The following RPP40 variants were observed in gnomAD, a reference collection of about 807,000 sequenced individuals.
RPP40 encodes ribonuclease P protein subunit p40.
A neutral mutation model predicts 42.5 loss-of-function variants in RPP40; 30 were observed. That is an observed-to-expected ratio of 0.71 (90% CI 0.53 to 0.96). RPP40 has a LOEUF of 0.96. Among genes scored for constraint, RPP40 ranks in the 40% least tolerant of loss-of-function variants. RPP40 has a pLI of 0.00. For synonymous variants in RPP40, 173 were observed against 164.0 expected, an observed-to-expected ratio of 1.05 and a Z score of -0.42; for missense variants, 426 against 433.5, an observed-to-expected ratio of 0.98 and a Z score of 0.15.
At position 5,003,361 on chromosome 6, in the gene RPP40, A is replaced by AG. The variant is rs1561748550; in HGVS notation, c.123+518_123+519insC. Among the ~76,000 whole-genome samples the AG allele has an allele frequency of 2.9e-4, 43 of 148,432 alleles. 1 individual carries two copies. In the East Asian group the frequency reaches 7.8e-3, roughly 27 times the overall value. On this transcript the variant is annotated intron_variant, in intron 1 of 7. Coordinates refer to ENST00000380051, the MANE Select transcript of RPP40 (RefSeq NM_006638.4). The stretch of plus-strand genomic sequence containing the variant: ...AACTCCGTCTAAAAAAAAAAAAAAA[A>AG]AAAAAAGGAAAATCAGTCGCTTCCT...
chr6:4,992,220 C>A (rs549507862), downstream of RPP40, among the ~76,000 whole-genome samples: 1 of 151,714 alleles, frequency 6.6e-6, no homozygotes, highest in South Asian at 2.1e-4. Flanking sequence ...CAAAAAAAAA[C>A]TAGCCAGGCA....
Position 4,999,495 on chromosome 6 carries a change from C to T in RPP40, c.433+314G>A, listed in dbSNP as rs550060563. On this transcript the variant is annotated intron_variant, in intron 4 of 7. Transcript: ENST00000380051. ...TGCATTTTTAGCAGAGATGGGGTTTCGCCATGTTGGTCACAATGGTCTCAA... is the reference window on the plus strand; with the variant it reads ...TGCATTTTTAGCAGAGATGGGGTTTTGCCATGTTGGTCACAATGGTCTCAA... 6.6e-5 allele frequency among the ~76,000 whole-genome samples: 10 copies of T among 152,062 alleles called. No homozygotes were observed. In the East Asian group the frequency reaches 1.7e-3, roughly 27 times the overall value.
In RPP40 at chr6:4,995,234, C is replaced by T; in HGVS notation, c.936G>A (p.Leu312=). The T allele has an allele frequency of 6.2e-7, 1 of 1,614,004 alleles. No individual in the cohort carries two copies. The highest frequency in any genetic ancestry group is 1.1e-5 in the South Asian group (1 of 91,058). Residue 312 remains leucine (L), a synonymous_variant, in exon 8 of 8, where the codon CTG becomes CTA. Coordinates refer to ENST00000380051, the MANE Select transcript of RPP40 (RefSeq NM_006638.4). The part of the protein sequence containing the change: ...DEPKLAPWVT[L]SVQGFADSPV... ...GGCTGTCTGCAAAGCCTTGAACGGA[C>T]AGTGTAACCCATGGAGCTAACTTCG...
At position 5,004,027 on chromosome 6, in the gene RPP40, C is replaced by G; in HGVS notation, c.-25G>C. The G allele has an allele frequency of 1.3e-6, 2 of 1,575,526 alleles. No homozygotes were observed. Among genetic ancestry groups the G allele is most frequent in the Non-Finnish European group, 1.7e-6 (2 of 1,160,982 alleles). On this transcript the variant is annotated 5_prime_UTR_variant, in exon 1 of 8. Transcript: ENST00000380051. ...TGCTCTCCTGGGTTCCTGGTCCTCC[C>G]GGCCTCCGCTGGCGGGGCACGCCCC...
intron 2 of RPP40, among the ~76,000 whole-genome samples, chr6:5,001,506 A>G (rs1759557054): frequency 6.6e-6 from 1 of 152,176 alleles, no homozygotes; most frequent in African/African-American, 2.4e-5. Context: ...GCCACTGTAC[A>G]GGTGAGTTAT....
At chr6:4,992,345 G>C (rs1759272715), downstream of RPP40, among the ~76,000 whole-genome samples, 1 of 144,942 alleles carries the variant, frequency 6.9e-6, no homozygotes. Context: ...GTCCATCCTG[G>C]GCAACAGAGG....
chr6:5,001,977 A>C (rs1759573336), intron 2 of RPP40, 124 bp downstream of exon 2: 2 of 791,874 alleles, frequency 2.5e-6, no homozygotes, highest in Admixed American at 2.5e-5. Flanking sequence ...ACGCGTGTGC[A>C]CCTGACCACA....
At position 4,999,871 on chromosome 6, in the gene RPP40, T is replaced by C. The variant is rs753396994; in HGVS notation, c.371A>G (p.Tyr124Cys). ...ATGACCCTGAAGTCCAGTTTCTTCA[T>C]AAGTGTCTTTATCCAGTGACAAAAT... ...KLILSLDKDT[Y>C]EETGLQGHPS... Residue 124 changes from tyrosine to cysteine, a missense_variant, in exon 4 of 8, where the codon TAT (tyrosine) becomes TGT (cysteine). Transcript: ENST00000380051. 2.2e-5 allele frequency: 36 copies of C among 1,608,882 alleles called. No individual in the cohort carries two copies. The highest frequency in any genetic ancestry group is 2.6e-5 in the Non-Finnish European group (31 of 1,175,938).
At chr6:5,000,194 TTC>T (rs1344695341) in intron 3 of RPP40, among the ~76,000 whole-genome samples, 10 of 152,196 alleles carry the variant, frequency 6.6e-5, no homozygotes, top group African/African-American at 2.4e-4. Flanking sequence ...TTTGAATATC[TTC>T]TTTTTTTTTT....
Position 5,003,878 on chromosome 6 carries a change from A to G in RPP40, c.123+2T>C, listed in dbSNP as rs746489319. ...CGAAAAGCCGAGGACAGCCGGACTCACCCTGTAGTTATAGTAGTGCGTCTG... is the reference window on the plus strand; with the variant it reads ...CGAAAAGCCGAGGACAGCCGGACTCGCCCTGTAGTTATAGTAGTGCGTCTG... On this transcript the variant is annotated splice_donor_variant, in intron 1 of 7. Coordinates refer to ENST00000380051, the MANE Select transcript of RPP40 (RefSeq NM_006638.4). LOFTEE classifies it high-confidence loss of function. The G allele has an allele frequency of 2.8e-5, 45 of 1,611,790 alleles. No homozygotes were observed. Among genetic ancestry groups the G allele is most frequent in the Non-Finnish European group, 3.7e-5 (44 of 1,178,592 alleles).
chr6:5,002,955 G>A (rs1297482583), intron 1 of RPP40, among the ~76,000 whole-genome samples: 1 of 152,202 alleles, frequency 6.6e-6, no homozygotes, highest in African/African-American at 2.4e-5. Context: ...GAGTTATTAA[G>A]CTGATCCATT....
chr6:4,995,902 C>CTGTT (rs1268031817), intron 7 of RPP40, 49 bp downstream of exon 7: 7 of 1,556,540 alleles, frequency 4.5e-6, no homozygotes, highest in Non-Finnish European at 6.1e-6. Context: ...ATTCGACATA[C>CTGTT]TGTTCTATAG....
Position 4,994,862 on chromosome 6 carries a change from A to G in RPP40, c.*216T>C. The G allele has an allele frequency of 1.8e-6, 1 of 565,554 alleles. No homozygotes were observed. The highest frequency in any genetic ancestry group is 2.4e-5 in the South Asian group (1 of 42,304). 35.0% of individuals were successfully genotyped at this position (565,554 alleles called of 1,614,324 possible). A position where few individuals can be genotyped will look rare whatever the true frequency, so the allele number is the denominator to read the frequency against. On this transcript the variant is annotated 3_prime_UTR_variant, in exon 8 of 8. Coordinates refer to ENST00000380051, the MANE Select transcript of RPP40 (RefSeq NM_006638.4). ...CATAGTAACCCACAACCCTGTGCTT[A>G]TGTTGACAGAGAGAAATCAACTATG...
downstream of RPP40, among the ~76,000 whole-genome samples, chr6:4,990,228 G>T (rs368187346): frequency 2.0e-5 from 3 of 151,884 alleles, no homozygotes; most frequent in East Asian, 3.9e-4. Flanking sequence ...TATATTGATT[G>T]ATTTTTCAAA....
At chr6:4,996,991 G>T (rs111870417) in intron 5 of RPP40, among the ~76,000 whole-genome samples, 3 of 152,096 alleles carry the variant, frequency 2.0e-5, no homozygotes, top group African/African-American at 7.2e-5. Flanking sequence ...CCCTCTCTCC[G>T]GGCAGATATC....
downstream of RPP40, among the ~76,000 whole-genome samples, chr6:4,991,538 G>A (rs1355248355): frequency 6.6e-6 from 1 of 152,160 alleles, no homozygotes; most frequent in Non-Finnish European, 1.5e-5. Flanking sequence ...CAAGTTGATT[G>A]ATAAAATTGC....
Position 4,995,102 on chromosome 6 carries a change from C to T in RPP40, c.1068G>A (p.Gly356=). 1.2e-6 allele frequency: 2 copies of T among 1,613,580 alleles called. No homozygotes were observed. Among genetic ancestry groups the T allele is most frequent in the East Asian group, 2.2e-5 (1 of 44,876 alleles). Residue 356 remains glycine (G), a synonymous_variant, in exon 8 of 8, where the codon GGG becomes GGA. Coordinates refer to ENST00000380051, the MANE Select transcript of RPP40 (RefSeq NM_006638.4). ...TTTATGGTGGACAGTGATCATTTGC[C>T]CCAACAGCCATCTGAAGCCAATAGT... is the stretch of plus-strand genomic sequence containing the variant. ...NQDYWLQMAV[G]ANDHCPP
intron 3 of RPP40, 85 bp downstream of exon 3, chr6:5,000,478 G>A (rs1444229146): frequency 2.4e-5 from 21 of 858,466 alleles, no homozygotes; most frequent in African/African-American, 3.9e-5. Context: ...GTGAGCCACC[G>A]TGCCCAGCTG....
At chr6:5,003,669 C>T in intron 1 of RPP40, 1 of 545,158 alleles carries the variant, frequency 1.8e-6, no homozygotes, top group African/African-American at 2.0e-5. Flanking sequence ...GCCCCCACGC[C>T]CGGCGCATCC....
Sources: gnomAD v4.1 joint callset for allele counts (sites outside exome capture counted in the v4.1 genomes callset) on GRCh38, gnomAD v4.1.1 for gene constraint, MANE v1.5 for transcripts, NCBI Gene and HGNC (gene_info 2026-07-23, HGNC 2026-07-21) for gene names.